Variants in AKR1C8 observed in about 807,000 individuals in gnomAD.
AKR1C8 encodes aldo-keto reductase family 1 member C-like protein 1.
chr10:5,175,725 A>G, the AKR1C8 span, among the ~76,000 whole-genome samples: 2 of 152,204 alleles, frequency 1.3e-5, no homozygotes, highest in Non-Finnish European at 2.9e-5. Flanking sequence ...TCTGATGGCC[A>G]GTGATGGTGA....
At chr10:5,183,595 T>TC in the AKR1C8 span, among the ~76,000 whole-genome samples, 424 of 152,028 alleles carry the variant, frequency 2.8e-3, no homozygotes, top group Non-Finnish European at 5.0e-3. Context: ...TAACTACTGT[T>TC]CCCCACATGA....
chr10:5,145,175 A>G, the AKR1C8 span, among the ~76,000 whole-genome samples: 1 of 152,164 alleles, frequency 6.6e-6, no homozygotes, highest in Non-Finnish European at 1.5e-5. Context: ...GATTACATTT[A>G]TTGATTTGCA....
At chr10:5,176,367 T>A in the AKR1C8 span, among the ~76,000 whole-genome samples, 12 of 143,146 alleles carry the variant, frequency 8.4e-5, no homozygotes, top group Non-Finnish European at 1.6e-4. Context: ...ACCATGCTGT[T>A]TTGGTTACTG....
the AKR1C8 span, among the ~76,000 whole-genome samples, chr10:5,148,588 C>A: frequency 6.6e-6 from 1 of 152,140 alleles, no homozygotes; most frequent in East Asian, 1.9e-4. Context: ...TGATTACATT[C>A]TTGTGAGCCT....
chr10:5,163,103 G>A, the AKR1C8 span: 861 of 434,706 alleles, frequency 2.0e-3, 7 homozygotes, highest in African/African-American at 0.013. Context: ...TTTCACTGTC[G>A]GTTTCTGCTG....
chr10:5,147,579 C>G, the AKR1C8 span, among the ~76,000 whole-genome samples: 9 of 152,022 alleles, frequency 5.9e-5, no homozygotes, highest in Admixed American at 5.9e-4. Flanking sequence ...GAAACAGGAC[C>G]TGTGGAAGCC....
chr10:5,132,454 T>TTTATTTTAGTTTTAATACATGAA, the AKR1C8 span: 2 of 677,290 alleles, frequency 3.0e-6, no homozygotes, highest in African/African-American at 3.8e-5. Context: ...TTTGCCGCCT[T>TTTATTTTAGTTTTAATACATGAA]TTATTTTAGT....
At chr10:5,178,432 G>C in the AKR1C8 span, among the ~76,000 whole-genome samples, 2 of 152,100 alleles carry the variant, frequency 1.3e-5, no homozygotes, top group Admixed American at 6.6e-5. Context: ...GGTGTGGTGT[G>C]GTGCTGAAAA....
the AKR1C8 span, chr10:5,157,509 C>T: frequency 3.1e-6 from 1 of 318,878 alleles, no homozygotes; most frequent in Non-Finnish European, 6.3e-6. Flanking sequence ...TCCACACTGC[C>T]CTCCTCCCTT....
the AKR1C8 span, among the ~76,000 whole-genome samples, chr10:5,164,197 C>A: frequency 6.6e-6 from 1 of 152,212 alleles, no homozygotes; most frequent in Admixed American, 6.5e-5. Context: ...TCTGATTGGT[C>A]CTGGGCCTAG....
At chr10:5,119,461 A>G in the AKR1C8 span, among the ~76,000 whole-genome samples, 47 of 152,342 alleles carry the variant, frequency 3.1e-4, no homozygotes, top group African/African-American at 1.1e-3. Context: ...TTTGCATAGG[A>G]AAATTATGAA....
chr10:5,165,879 A>G, the AKR1C8 span, among the ~76,000 whole-genome samples: 2 of 151,996 alleles, frequency 1.3e-5, no homozygotes, highest in Non-Finnish European at 2.9e-5. Context: ...AAGACACAGA[A>G]CTAGTACCTC....
At chr10:5,124,471 G>T in the AKR1C8 span, among the ~76,000 whole-genome samples, 9 of 152,104 alleles carry the variant, frequency 5.9e-5, no homozygotes, top group Admixed American at 5.9e-4. Context: ...CTTGGTGAGG[G>T]ATTCTTTTTT....
chr10:5,159,162 C>G, the AKR1C8 span, among the ~76,000 whole-genome samples: 1 of 152,098 alleles, frequency 6.6e-6, no homozygotes. Context: ...AATATGGAAA[C>G]TTGAGCATCA....
At chr10:5,163,569 A>G in the AKR1C8 span, among the ~76,000 whole-genome samples, 1 of 152,172 alleles carries the variant, frequency 6.6e-6, no homozygotes. Context: ...CCCCATTATG[A>G]CACTATGCCT....
At chr10:5,171,199 C>T in the AKR1C8 span, among the ~76,000 whole-genome samples, 2 of 151,896 alleles carry the variant, frequency 1.3e-5, no homozygotes, top group Admixed American at 6.6e-5. Context: ...TTAAGAGTAC[C>T]TGTTAGAGCT....
the AKR1C8 span, among the ~76,000 whole-genome samples, chr10:5,117,147 A>G: frequency 2.6e-5 from 4 of 151,300 alleles, no homozygotes; most frequent in African/African-American, 9.7e-5. Context: ...TTTTTTTTAA[A>G]CAGGAAAAGG....
At chr10:5,159,195 TG>T in the AKR1C8 span, among the ~76,000 whole-genome samples, 3 of 152,282 alleles carry the variant, frequency 2.0e-5, no homozygotes, top group South Asian at 6.2e-4. Flanking sequence ...TTATGATGAA[TG>T]GAAAATGACG....
the AKR1C8 span, among the ~76,000 whole-genome samples, chr10:5,119,842 C>G: frequency 6.6e-6 from 1 of 152,172 alleles, no homozygotes; most frequent in African/African-American, 2.4e-5. Flanking sequence ...TAATTCTTTT[C>G]CCACTCTGCG....
Sources: allele counts gnomAD v4.1 joint callset (sites outside exome capture counted in the v4.1 genomes callset), GRCh38; gene constraint gnomAD v4.1.1; transcripts MANE v1.5; gene names NCBI Gene and HGNC (gene_info 2026-07-23, HGNC 2026-07-21).